Variants in CELF2 observed in about 807,000 individuals in gnomAD.
CELF2 encodes the protein CUGBP Elav-like family member 2, also known as CUG triplet repeat RNA-binding protein 2.
In CELF2, 8 loss-of-function variants were observed where a neutral mutation model predicts 62.6. That is an observed-to-expected ratio of 0.13 (90% CI 0.07 to 0.23). CELF2 has a LOEUF of 0.23. Among genes scored for constraint, CELF2 ranks in the 10% least tolerant of loss-of-function variants. The pLI is 1.00. For missense variants in CELF2, 333 were observed against 671.0 expected, an observed-to-expected ratio of 0.50 and a Z score of 5.56; for synonymous variants, 258 against 250.0, an observed-to-expected ratio of 1.03 and a Z score of -0.30.
rs34163796 is a variant in CELF2, at chr10:10,913,379, C to CTTTT, written c.54-6560_54-6557dup. 5.8e-4 allele frequency among the ~76,000 whole-genome samples: 33 copies of CTTTT among 57,362 alleles called. 5 individuals are homozygous for CTTTT. Among genetic ancestry groups the CTTTT allele is most frequent in the Non-Finnish European group, 7.5e-4 (26 of 34,862 alleles). 37.6% of individuals were successfully genotyped at this position (57,362 alleles called of 152,430 possible). ...AATATATATGCCTTTGTAATGATGT[C>CTTTT]TTTTTTTTTTTTTTTTTTTTTTTTT... On this transcript the variant is annotated intron_variant, in intron 1 of 13. Coordinates refer to the CELF2 transcript ENST00000636488.
intron 1 of CELF2, among the ~76,000 whole-genome samples, chr10:11,021,500 G>C (rs2058311581): frequency 1.3e-5 from 2 of 152,194 alleles, no homozygotes; most frequent in African/African-American, 4.8e-5. Flanking sequence ...TCATTTTATA[G>C]ATTAAGAAAC....
At chr10:10,899,755 A>G (rs573663586) in intron 1 of CELF2, among the ~76,000 whole-genome samples, 31 of 152,140 alleles carry the variant, frequency 2.0e-4, no homozygotes, top group Non-Finnish European at 3.8e-4. Flanking sequence ...GTGACGGGGA[A>G]GCTAGAGCAG....
the CELF2 span, among the ~76,000 whole-genome samples, chr10:10,787,322 C>T: frequency 6.6e-6 from 1 of 152,048 alleles, no homozygotes; most frequent in African/African-American, 2.4e-5. Context: ...TAATGCTGGC[C>T]TAATAGCTAG....
the CELF2 span, among the ~76,000 whole-genome samples, chr10:10,720,880 T>C: frequency 6.6e-6 from 1 of 152,134 alleles, no homozygotes; most frequent in Admixed American, 6.5e-5. Context: ...CACAATAAAG[T>C]AAGCAGAAAT....
chr10:10,753,190 G>A, the CELF2 span, among the ~76,000 whole-genome samples: 3 of 152,050 alleles, frequency 2.0e-5, no homozygotes, highest in Admixed American at 6.6e-5. Context: ...AAGTCACACC[G>A]TGAAACACAA....
At chr10:11,093,529 C>T (rs752669336) in intron 1 of CELF2, among the ~76,000 whole-genome samples, 1 of 152,204 alleles carries the variant, frequency 6.6e-6, no homozygotes, top group Admixed American at 6.5e-5. Context: ...CATATCCCAG[C>T]TCCGTAATTG....
At chr10:10,998,205 C>T (rs565140108) in intron 2 of CELF2, among the ~76,000 whole-genome samples, 2 of 152,170 alleles carry the variant, frequency 1.3e-5, no homozygotes, top group African/African-American at 4.8e-5. Context: ...TGAGAACAGG[C>T]TAATACAATG....
intron 1 of CELF2, among the ~76,000 whole-genome samples, chr10:11,136,040 G>A (rs142343671): frequency 1.3e-5 from 2 of 152,330 alleles, no homozygotes; most frequent in African/African-American, 4.8e-5. Context: ...TGGCTAGATG[G>A]TGGGAATATA....
chr10:11,062,586 A>G (rs1296683795), intron 1 of CELF2, among the ~76,000 whole-genome samples: 1 of 152,204 alleles, frequency 6.6e-6, no homozygotes, highest in Non-Finnish European at 1.5e-5. Flanking sequence ...AATTCGAATT[A>G]GAGGTGGAGC....
chr10:10,601,729 T>G, the CELF2 span, among the ~76,000 whole-genome samples: 1 of 152,062 alleles, frequency 6.6e-6, no homozygotes, highest in African/African-American at 2.4e-5. Flanking sequence ...TTCATTCTTT[T>G]TTTTTTTTTT....
intron 1 of CELF2, among the ~76,000 whole-genome samples, chr10:11,079,337 G>T (rs1360707293): frequency 2.0e-5 from 3 of 152,188 alleles, no homozygotes; most frequent in African/African-American, 7.2e-5. Context: ...CTTTTAGGTT[G>T]AAGTACAGCT....
chr10:11,108,325 G>A (rs557106809), intron 1 of CELF2, among the ~76,000 whole-genome samples: 2 of 148,148 alleles, frequency 1.3e-5, no homozygotes, highest in Non-Finnish European at 3.0e-5. Flanking sequence ...CTACATGAAT[G>A]GGATTGTGGA....
intron 9 of CELF2, among the ~76,000 whole-genome samples, chr10:11,299,128 A>T (rs996989653): frequency 2.0e-5 from 3 of 152,234 alleles, no homozygotes; most frequent in Non-Finnish European, 4.4e-5. Flanking sequence ...CCTCCTTACC[A>T]AATACAAAAT....
At chr10:10,880,733 G>A (rs1021832897) in intron 1 of CELF2, among the ~76,000 whole-genome samples, 7 of 152,140 alleles carry the variant, frequency 4.6e-5, no homozygotes. Context: ...AGAGTGGAGT[G>A]GAAGCAAATT....
upstream of CELF2, among the ~76,000 whole-genome samples, chr10:10,795,886 T>C (rs945443014): frequency 1.3e-5 from 2 of 152,144 alleles, no homozygotes; most frequent in Admixed American, 6.5e-5. Flanking sequence ...GGTTTCTCTA[T>C]AGGGTCTTAG....
At chr10:11,262,869 A>C (rs948737340) in intron 5 of CELF2, among the ~76,000 whole-genome samples, 1 of 145,946 alleles carries the variant, frequency 6.9e-6, no homozygotes, top group South Asian at 2.2e-4. Flanking sequence ...TGGGTACTAC[A>C]CCTTTTTCAA....
the CELF2 span, among the ~76,000 whole-genome samples, chr10:10,616,849 T>C: frequency 6.6e-6 from 1 of 151,564 alleles, no homozygotes; most frequent in Non-Finnish European, 1.5e-5. Flanking sequence ...CAGCCTCCCA[T>C]GTAGCTGGGA....
chr10:10,799,209 G>C (rs1168114049), intron 1 of CELF2, among the ~76,000 whole-genome samples: 1 of 152,254 alleles, frequency 6.6e-6, no homozygotes, highest in Non-Finnish European at 1.5e-5. Context: ...GCCAGGTGCG[G>C]AGGCTCACAT....
Position 11,290,034 on chromosome 10 carries a change from C to T in CELF2, c.976+1482C>T, listed in dbSNP as rs2092260446. The stretch of plus-strand genomic sequence containing the variant: ...GTATTGTGAATGCATTTTGGAGCAT[C>T]TTCAGTCCAAAGGAGGCTTGACAGT... On this transcript the variant is annotated intron_variant, in intron 9 of 12. Transcript: ENST00000633077. This position sits in a 1 kb window ranked among gnomAD's most constrained non-coding sequence, Gnocchi z 4.3. 6.6e-6 allele frequency among the ~76,000 whole-genome samples: 1 copy of T among 152,180 alleles called. No homozygotes were observed. The highest frequency in any genetic ancestry group is 1.5e-5 in the Non-Finnish European group (1 of 68,024).
Sources: gnomAD v4.1 joint callset for allele counts (sites outside exome capture counted in the v4.1 genomes callset) on GRCh38, gnomAD v4.1.1 for gene constraint, Gnocchi (gnomAD v3.1) non-coding constraint, MANE v1.5 for transcripts, NCBI Gene and HGNC (gene_info 2026-07-23, HGNC 2026-07-21) for gene names.